Variants in ENTPD1 observed in about 807,000 individuals in gnomAD.
ENTPD1 encodes the protein ATP diphosphohydrolase.
In ENTPD1, 33 loss-of-function variants were observed where a neutral mutation model predicts 57.0. That is an observed-to-expected ratio of 0.58 (90% CI 0.44 to 0.77). ENTPD1 has a LOEUF of 0.77. Ranked by LOEUF, ENTPD1 falls within the 30% of genes least tolerant of loss-of-function variation. The pLI is 0.00. For synonymous variants in ENTPD1, 202 were observed against 218.8 expected, an observed-to-expected ratio of 0.92 and a Z score of 0.68; for missense variants, 501 against 603.4, an observed-to-expected ratio of 0.83 and a Z score of 1.78.
At chr10:95,694,778 CATGGGACTTTCCTTCGGTATTGGAA>C in the ENTPD1 span, among the ~76,000 whole-genome samples, 1 of 152,072 alleles carries the variant, frequency 6.6e-6, no homozygotes, top group Non-Finnish European at 1.5e-5. Flanking sequence ...CAGCGCGGGC[CATGGGACTTTCCTTCGGTATTGGAA>C]ATGTACCGTA....
chr10:95,816,444 A>G, intron 1 of ENTPD1, among the ~76,000 whole-genome samples: 1 of 152,174 alleles, frequency 6.6e-6, no homozygotes, highest in East Asian at 1.9e-4. Flanking sequence ...ATTTGGAAAT[A>G]TAGTAGGGTG....
chr10:95,750,998 G>C (rs1401299141), upstream of ENTPD1, among the ~76,000 whole-genome samples: 2 of 152,130 alleles, frequency 1.3e-5, no homozygotes, highest in Non-Finnish European at 2.9e-5. Context: ...ACTCCAGCCT[G>C]GGTGACAGAG....
intron 7 of ENTPD1, among the ~76,000 whole-genome samples, chr10:95,855,396 C>A (rs1478110884): frequency 6.6e-6 from 1 of 151,352 alleles, no homozygotes; most frequent in African/African-American, 2.4e-5. Flanking sequence ...ATCCAATTTG[C>A]CAGTCTGTGT....
At chr10:95,786,663 G>T (rs1409432723) in intron 1 of ENTPD1, among the ~76,000 whole-genome samples, 1 of 152,166 alleles carries the variant, frequency 6.6e-6, no homozygotes, top group Non-Finnish European at 1.5e-5. Flanking sequence ...AAAAGTTTCA[G>T]CATATCTTAA....
the ENTPD1 span, among the ~76,000 whole-genome samples, chr10:95,705,121 G>A: frequency 6.6e-6 from 1 of 152,096 alleles, no homozygotes; most frequent in Non-Finnish European, 1.5e-5. Context: ...CTTTTTAAAG[G>A]TGGAGGATAT....
chr10:95,696,472 G>A, the ENTPD1 span, among the ~76,000 whole-genome samples: 1 of 152,104 alleles, frequency 6.6e-6, no homozygotes, highest in African/African-American at 2.4e-5. Flanking sequence ...TAGAGACGGA[G>A]TTTCACCATG....
chr10:95,818,744 G>T (rs757424640), intron 1 of ENTPD1, among the ~76,000 whole-genome samples: 18 of 152,200 alleles, frequency 1.2e-4, no homozygotes, highest in Non-Finnish European at 2.5e-4. Flanking sequence ...AGGTAGCAGG[G>T]GTGGTGTGGA....
intron 1 of ENTPD1, among the ~76,000 whole-genome samples, chr10:95,757,555 A>G (rs989655448): frequency 6.6e-6 from 1 of 152,184 alleles, no homozygotes; most frequent in Non-Finnish European, 1.5e-5. Flanking sequence ...AGGAATTTGT[A>G]CTTTGCACTC....
chr10:95,816,803 C>T lies in ENTPD1; in HGVS notation c.17-6434C>T, dbSNP rs1027198285. 3.9e-5 allele frequency among the ~76,000 whole-genome samples: 6 copies of T among 152,066 alleles called. No homozygotes were observed. In the East Asian group the frequency reaches 1.2e-3, roughly 29 times the overall value. On this transcript the variant is annotated intron_variant, in intron 1 of 9. Transcript: ENST00000371205. ...AGTTCATGGTAACTTGTTGTGGCAG[C>T]CCTAAAAAACTAATACAGATTTTAT...
chr10:95,848,986 G>C (rs1052749426), intron 7 of ENTPD1, among the ~76,000 whole-genome samples: 2 of 152,150 alleles, frequency 1.3e-5, no homozygotes, highest in Admixed American at 6.5e-5. Context: ...GAAGGAGGAG[G>C]AGCAGCAGTT....
In ENTPD1 at chr10:95,867,517, T is replaced by C; in HGVS notation, c.*1134T>C. On this transcript the variant is annotated 3_prime_UTR_variant, in exon 10 of 10. Coordinates refer to ENST00000371205, the MANE Select transcript of ENTPD1 (RefSeq NM_001776.6). ...GTGAGAGGGCAGCATTAGTGTGGAG[T>C]GGCATGCTTTTGCCCTATCGTGGAA... 1 of 985,416 alleles carries C rather than the reference T, an allele frequency of 1.0e-6. No individual in the cohort carries two copies. Among genetic ancestry groups the C allele is most frequent in the Non-Finnish European group, 1.2e-6 (1 of 829,926 alleles). 61.0% of individuals were successfully genotyped at this position (985,416 alleles called of 1,614,324 possible). A position where few individuals can be genotyped will look rare whatever the true frequency, so the allele number is the denominator to read the frequency against.
chr10:95,787,139 G>A (rs2098183187), intron 1 of ENTPD1, among the ~76,000 whole-genome samples: 2 of 152,138 alleles, frequency 1.3e-5, no homozygotes, highest in Admixed American at 6.5e-5. Context: ...CATGGTCTTT[G>A]CATCTTCCAA....
intron 1 of ENTPD1, among the ~76,000 whole-genome samples, chr10:95,819,258 G>C (rs1172913814): frequency 1.3e-5 from 2 of 152,020 alleles, no homozygotes; most frequent in African/African-American, 4.8e-5. Context: ...CGGTGTCCTG[G>C]GCTCAAGCGA....
At chr10:95,700,353 A>G in the ENTPD1 span, among the ~76,000 whole-genome samples, 2,246 of 140,788 alleles carry the variant, frequency 0.016, 53 homozygotes, top group African/African-American at 0.054. Context: ...GAGTTCCAGG[A>G]AAAAAAAAGA....
intron 8 of ENTPD1, chr10:95,861,551 C>T (rs1430385565): frequency 6.6e-6 from 1 of 152,164 alleles, no homozygotes; most frequent in Non-Finnish European, 1.5e-5. Context: ...GCCATTCTCT[C>T]CAGGTATTTT....
At chr10:95,815,276 T>A (rs2098326182) in intron 1 of ENTPD1, among the ~76,000 whole-genome samples, 1 of 152,228 alleles carries the variant, frequency 6.6e-6, no homozygotes. Context: ...GGCATTGAAG[T>A]GGAACTGAGA....
chr10:95,842,317 ATTG>A (rs772569780), intron 3 of ENTPD1, 24 bp from the exon 4 acceptor site: 9 of 1,596,948 alleles, frequency 5.6e-6, no homozygotes, highest in East Asian at 2.2e-5. Flanking sequence ...TTTTTAAAAG[ATTG>A]TTATCTTCTA....
Position 95,760,853 on chromosome 10 carries a change from G to A in ENTPD1, c.16+4598G>A, listed in dbSNP as rs1431239097. Among the ~76,000 whole-genome samples the A allele has an allele frequency of 9.1e-4, 50 of 54,764 alleles. 1 individual carries two copies. The Admixed American group carries it at 0.011, about 12-fold the overall frequency. 35.9% of individuals were successfully genotyped at this position (54,764 alleles called of 152,430 possible). On this transcript the variant is annotated intron_variant, in intron 1 of 9. Transcript: ENST00000371205. The stretch of plus-strand genomic sequence containing the variant: ...TTTTTTTTTTTTTTTTTTTTGAGAC[G>A]GAGTCTCGCTTTGTCGCCCAGGCTG...
At position 95,876,293 on chromosome 10, in the gene ENTPD1, G is replaced by A; in HGVS notation, c.*9910G>A. 2.0e-6 allele frequency: 2 copies of A among 982,254 alleles called. No individual in the cohort carries two copies. The highest frequency in any genetic ancestry group is 2.4e-6 in the Non-Finnish European group (2 of 827,116). The allele number at this position is 982,254 out of a possible 1,614,324, so 60.8% of individuals were successfully genotyped here. A position where few individuals can be genotyped will look rare whatever the true frequency, so the allele number is the denominator to read the frequency against. ...TTTTGACATCCAACTTATTAATTAT[G>A]AAATGACTTTTGGCCTAGTAACAAT... On this transcript the variant is annotated 3_prime_UTR_variant, in exon 10 of 10. Coordinates refer to ENST00000371205, the MANE Select transcript of ENTPD1 (RefSeq NM_001776.6).
Sources: gnomAD v4.1 joint callset for allele counts (sites outside exome capture counted in the v4.1 genomes callset) on GRCh38, gnomAD v4.1.1 for gene constraint, MANE v1.5 for transcripts, NCBI Gene and HGNC (gene_info 2026-07-23, HGNC 2026-07-21) for gene names.